OPCML: variants seen among roughly 807,000 people sequenced by gnomAD.
OPCML encodes opioid-binding protein/cell adhesion molecule.
A neutral mutation model predicts 37.8 loss-of-function variants in OPCML; 13 were observed. The ratio of observed to expected loss-of-function variants is 0.34; its 90% CI spans 0.22 to 0.55. OPCML has a LOEUF of 0.55. OPCML is among the 20% of genes least tolerant of loss of function. The pLI, the probability that OPCML is intolerant of heterozygous loss-of-function variation, is 0.91. For synonymous variants in OPCML, 176 were observed against 168.8 expected (o/e 1.04, Z -0.33); for missense variants, 341 against 435.6 (o/e 0.78, Z 1.93).
chr11:132,622,330 C>T (rs1320255532), intron 3 of OPCML, among the ~76,000 whole-genome samples: 3 of 151,912 alleles, frequency 2.0e-5, no homozygotes, highest in Non-Finnish European at 2.9e-5. Flanking sequence ...GAAAGGGGGC[C>T]TCTTACAAAA....
intron 1 of OPCML, among the ~76,000 whole-genome samples, chr11:133,508,630 G>A (rs541016878): frequency 2.4e-4 from 36 of 152,314 alleles, no homozygotes; most frequent in South Asian, 1.0e-3. Context: ...TAAGGAACTG[G>A]CCCGAGCCTC....
intron 1 of OPCML, among the ~76,000 whole-genome samples, chr11:133,268,875 G>T (rs1321094159): frequency 6.6e-6 from 1 of 152,268 alleles, no homozygotes; most frequent in East Asian, 1.9e-4. Flanking sequence ...TTCTCTGAAG[G>T]CAGGTTTTGC....
intron 1 of OPCML, among the ~76,000 whole-genome samples, chr11:133,325,078 G>C (rs986159199): frequency 6.6e-6 from 1 of 152,184 alleles, no homozygotes; most frequent in Non-Finnish European, 1.5e-5. Context: ...GGGGAGGGGA[G>C]ACGAAGGTCT....
intron 1 of OPCML, among the ~76,000 whole-genome samples, chr11:133,070,476 C>T (rs1366400207): frequency 6.6e-6 from 1 of 152,138 alleles, no homozygotes; most frequent in African/African-American, 2.4e-5. Context: ...CTGACTTCCA[C>T]CCAGGGATGT....
intron 3 of OPCML, among the ~76,000 whole-genome samples, chr11:132,581,793 A>G (rs2096462521): frequency 6.6e-6 from 1 of 152,040 alleles, no homozygotes; most frequent in Admixed American, 6.6e-5. Context: ...CTTGACTGCC[A>G]TGAGGTCTGG....
intron 3 of OPCML, among the ~76,000 whole-genome samples, chr11:132,585,992 C>T (rs1190028567): frequency 6.6e-6 from 1 of 152,104 alleles, no homozygotes; most frequent in Non-Finnish European, 1.5e-5. Context: ...GGATCCAAAG[C>T]ATCATTACAC....
intron 1 of OPCML, chr11:133,008,952 T>A (rs989894657): frequency 3.2e-5 from 32 of 985,302 alleles, no homozygotes; most frequent in Non-Finnish European, 3.9e-5. Context: ...ACTGAGCAAT[T>A]TTCTACATTA....
chr11:133,275,840 T>C (rs1411509694), intron 1 of OPCML, among the ~76,000 whole-genome samples: 1 of 152,226 alleles, frequency 6.6e-6, no homozygotes, highest in African/African-American at 2.4e-5. Flanking sequence ...ATCTCCTTCC[T>C]TGACTCAAAC....
intron 1 of OPCML, among the ~76,000 whole-genome samples, chr11:133,469,656 A>T (rs75142990): frequency 0.016 from 2,411 of 152,218 alleles, 69 homozygotes; most frequent in African/African-American, 0.055. Flanking sequence ...AAGAATCCTC[A>T]TCTCTAAACT....
chr11:133,344,847 C>T (rs543198643), intron 1 of OPCML, among the ~76,000 whole-genome samples: 13 of 152,168 alleles, frequency 8.5e-5, no homozygotes, highest in Non-Finnish European at 1.9e-4. Context: ...GGTGTGTGTC[C>T]TCTTTCCCTG....
intron 2 of OPCML, among the ~76,000 whole-genome samples, chr11:132,663,778 G>C (rs375998893): frequency 2.6e-5 from 4 of 152,234 alleles, no homozygotes; most frequent in African/African-American, 7.2e-5. Flanking sequence ...ACAGCAGTCA[G>C]TGCCACATCC....
chr11:133,201,783 G>T (rs1172921473), intron 1 of OPCML, among the ~76,000 whole-genome samples: 1 of 152,184 alleles, frequency 6.6e-6, no homozygotes, highest in South Asian at 2.1e-4. Context: ...ACTGGCTAAA[G>T]CCACTATGTC....
At chr11:133,144,384 C>A (rs1458190285) in intron 1 of OPCML, among the ~76,000 whole-genome samples, 1 of 152,194 alleles carries the variant, frequency 6.6e-6, no homozygotes, top group East Asian at 1.9e-4. Context: ...AGAGGGTTGC[C>A]TTTTGACCCT....
chr11:133,204,058 C>CA lies in OPCML; in HGVS notation c.62-261049dup, dbSNP rs58343203. On this transcript the variant is annotated intron_variant, in intron 1 of 7. Coordinates refer to ENST00000524381, the MANE Select transcript of OPCML (RefSeq NM_001012393.5). Reference sequence around the variant, plus strand: ...GGGGGGACAGAGCGAGACTCTGTCTCAAAAAAAAAAAAAAAAAAAAAAAAA... The same window carrying CA: ...GGGGGGACAGAGCGAGACTCTGTCTCAAAAAAAAAAAAAAAAAAAAAAAAAA... Among the ~76,000 whole-genome samples, 614 of 66,466 alleles carry CA rather than the reference C, an allele frequency of 9.2e-3. 55 individuals are homozygous for CA. The highest frequency in any genetic ancestry group is 0.075 in the East Asian group (89 of 1,190). 43.6% of individuals were successfully genotyped at this position (66,466 alleles called of 152,430 possible).
At chr11:132,836,334 G>A (rs1481480374) in intron 2 of OPCML, among the ~76,000 whole-genome samples, 1 of 152,186 alleles carries the variant, frequency 6.6e-6, no homozygotes, top group African/African-American at 2.4e-5. Context: ...ATGTGAGAGT[G>A]TGTTCTACAG....
At chr11:132,958,304 G>C (rs900333747) in intron 1 of OPCML, among the ~76,000 whole-genome samples, 2 of 152,228 alleles carry the variant, frequency 1.3e-5, no homozygotes, top group East Asian at 1.9e-4. Context: ...TGAAGGCTGA[G>C]ACAGGTAAGG....
At chr11:133,051,550 A>G (rs1211256437) in intron 1 of OPCML, among the ~76,000 whole-genome samples, 2 of 151,964 alleles carry the variant, frequency 1.3e-5, no homozygotes, top group African/African-American at 4.8e-5. Flanking sequence ...TTAGCCCTCT[A>G]CCATTCTCAC....
At chr11:132,858,923 G>T (rs1345688862) in intron 2 of OPCML, among the ~76,000 whole-genome samples, 1 of 152,194 alleles carries the variant, frequency 6.6e-6, no homozygotes, top group East Asian at 1.9e-4. Context: ...ATACGTGTGT[G>T]TGTGTATACT....
intron 3 of OPCML, among the ~76,000 whole-genome samples, chr11:132,574,384 A>T (rs185851655): frequency 7.9e-5 from 12 of 151,022 alleles, no homozygotes; most frequent in Admixed American, 7.9e-4. Flanking sequence ...TTTTTAGTGT[A>T]TGCATTTATC....
Sources: allele counts gnomAD v4.1 joint callset (sites outside exome capture counted in the v4.1 genomes callset), GRCh38; gene constraint gnomAD v4.1.1; transcripts MANE v1.5; gene names NCBI Gene and HGNC (gene_info 2026-07-23, HGNC 2026-07-21).